DSCAML1: variants seen among roughly 807,000 people sequenced by gnomAD.
DSCAML1 encodes cell adhesion molecule DSCAML1.
DSCAML1 carries 38 observed loss-of-function variants against 200.5 expected under a neutral mutation model. The observed-to-expected ratio is 0.19, with a 90% confidence interval of 0.15 to 0.25. DSCAML1 has a LOEUF of 0.25. Among genes scored for constraint, DSCAML1 ranks in the 10% least tolerant of loss-of-function variants. The pLI, the probability that DSCAML1 is intolerant of heterozygous loss-of-function variation, is 1.00. For missense variants in DSCAML1, 2,223 were observed against 2,858.8 expected (o/e 0.78, Z 5.07); for synonymous variants, 1,215 against 1,165.0 (o/e 1.04, Z -0.87).
intron 3 of DSCAML1, among the ~76,000 whole-genome samples, chr11:117,577,445 C>G (rs112811694): frequency 0.11 from 8,126 of 74,600 alleles, 384 homozygotes; most frequent in Non-Finnish European, 0.16. Flanking sequence ...TCTTTCCTTC[C>G]TTCCTTCCTT....
chr11:117,725,658 A>C (rs1029826596), intron 3 of DSCAML1, among the ~76,000 whole-genome samples: 2 of 110,268 alleles, frequency 1.8e-5, no homozygotes, highest in Non-Finnish European at 3.8e-5. Context: ...CCTTACTGGC[A>C]GAGAGGTCTG....
In DSCAML1 at chr11:117,719,021, C is replaced by A. The variant is rs542024797; in HGVS notation, c.511+57770G>T. 3.3e-5 allele frequency among the ~76,000 whole-genome samples: 5 copies of A among 152,262 alleles called. No homozygotes were observed. The East Asian group carries it at 9.7e-4, about 29-fold the overall frequency. On this transcript the variant is annotated intron_variant, in intron 3 of 32. Transcript: ENST00000651296. The stretch of plus-strand genomic sequence containing the variant: ...AAAAGAGGCCATGGGCCTGATTTGG[C>A]CCATGGGCTATAGTTTGTCAGTTCT...
At chr11:117,704,644 G>A (rs1055652232) in intron 3 of DSCAML1, among the ~76,000 whole-genome samples, 2 of 152,282 alleles carry the variant, frequency 1.3e-5, no homozygotes, top group South Asian at 4.1e-4. Flanking sequence ...TCGGTGACTC[G>A]GCTGGTAGCC....
chr11:117,709,181 T>C (rs1342770467), intron 3 of DSCAML1, among the ~76,000 whole-genome samples: 2 of 152,214 alleles, frequency 1.3e-5, no homozygotes, highest in Non-Finnish European at 1.5e-5. Context: ...GGCCATTAGC[T>C]ATCATGAAAC....
upstream of DSCAML1, chr11:117,801,515 C>T (rs1174886372): frequency 2.6e-5 from 4 of 152,208 alleles, no homozygotes; most frequent in East Asian, 7.7e-4. Flanking sequence ...AATATATACA[C>T]ATACATCTAA....
chr11:117,657,989 C>T (rs534691962), intron 3 of DSCAML1, among the ~76,000 whole-genome samples: 2 of 152,150 alleles, frequency 1.3e-5, no homozygotes, highest in South Asian at 2.1e-4. Context: ...CATCACCTTA[C>T]GGCACTGGAG....
intron 3 of DSCAML1, among the ~76,000 whole-genome samples, chr11:117,561,087 G>A (rs893317075): frequency 2.0e-5 from 3 of 152,212 alleles, no homozygotes; most frequent in African/African-American, 4.8e-5. Flanking sequence ...CCAGGCTGTT[G>A]TGGACACAGA....
At chr11:117,450,012 G>A (rs903935068) in intron 20 of DSCAML1, among the ~76,000 whole-genome samples, 4 of 152,156 alleles carry the variant, frequency 2.6e-5, no homozygotes, top group Admixed American at 2.0e-4. Flanking sequence ...GGCAGATATC[G>A]CAGCCTCTCA....
At chr11:117,797,597 C>G (rs143800076), upstream of DSCAML1, among the ~76,000 whole-genome samples, 6 of 151,598 alleles carry the variant, frequency 4.0e-5, no homozygotes, top group East Asian at 3.9e-4. Context: ...CCGGCCCCCC[C>G]ACCCTCCCCA....
intron 3 of DSCAML1, among the ~76,000 whole-genome samples, chr11:117,534,303 G>A (rs528311517): frequency 3.3e-5 from 5 of 152,360 alleles, no homozygotes; most frequent in African/African-American, 1.2e-4. Flanking sequence ...CCGTAGAACT[G>A]CAGGGCTGAA....
intron 3 of DSCAML1, among the ~76,000 whole-genome samples, chr11:117,534,078 T>C (rs1211140953): frequency 1.3e-5 from 2 of 152,180 alleles, no homozygotes; most frequent in Non-Finnish European, 2.9e-5. Flanking sequence ...GAGGGAAACA[T>C]TTTGGGCAGT....
chr11:117,761,910 C>A (rs2054810809), intron 3 of DSCAML1, among the ~76,000 whole-genome samples: 1 of 152,134 alleles, frequency 6.6e-6, no homozygotes, highest in East Asian at 1.9e-4. Flanking sequence ...GATAACAGTT[C>A]CACCCACCTT....
chr11:117,512,322 C>T (rs768191348), intron 8 of DSCAML1, among the ~76,000 whole-genome samples: 10 of 152,162 alleles, frequency 6.6e-5, no homozygotes, highest in African/African-American at 2.4e-4. Flanking sequence ...GCCATGCCCA[C>T]GGGCACCTCC....
At chr11:117,521,477 G>A in intron 5 of DSCAML1, 72 bp from the exon 6 acceptor site, 2 of 1,512,350 alleles carry the variant, frequency 1.3e-6, no homozygotes, top group South Asian at 1.2e-5. Flanking sequence ...TACTGTGAGT[G>A]GAGTGTAGCT....
At chr11:117,522,972 G>T (rs1311048173) in intron 5 of DSCAML1, among the ~76,000 whole-genome samples, 1 of 152,192 alleles carries the variant, frequency 6.6e-6, no homozygotes, top group Non-Finnish European at 1.5e-5. Flanking sequence ...TGCATTCAGG[G>T]TCAGTGTGGG....
intron 3 of DSCAML1, among the ~76,000 whole-genome samples, chr11:117,582,548 C>A (rs2051059842): frequency 6.6e-6 from 1 of 152,144 alleles, no homozygotes; most frequent in African/African-American, 2.4e-5. Context: ...AATGCTTATG[C>A]CTAAGGATGC....
At chr11:117,618,133 T>A (rs1591327566) in intron 3 of DSCAML1, among the ~76,000 whole-genome samples, 1 of 152,236 alleles carries the variant, frequency 6.6e-6, no homozygotes, top group Non-Finnish European at 1.5e-5. Context: ...TTGAATGAAA[T>A]TTTTAAGCTA....
At position 117,551,545 on chromosome 11, in the gene DSCAML1, G is replaced by C. The variant is rs566100844; in HGVS notation, c.512-19023C>G. Among the ~76,000 whole-genome samples the C allele has an allele frequency of 2.0e-5, 3 of 152,308 alleles. No individual in the cohort carries two copies. The East Asian group carries it at 5.8e-4, about 29-fold the overall frequency. ...AGAGTCTTCTGAGGGACGCGTGTTG[G>C]GTGCAGGGTAGAAAGGGAAGGGAAG... On this transcript the variant is annotated intron_variant, in intron 3 of 32. Coordinates refer to ENST00000651296, the MANE Select transcript of DSCAML1 (RefSeq NM_020693.4).
intron 3 of DSCAML1, among the ~76,000 whole-genome samples, chr11:117,736,490 T>C (rs1230037915): frequency 6.6e-6 from 1 of 152,172 alleles, no homozygotes; most frequent in East Asian, 1.9e-4. Flanking sequence ...CCAACCCTGG[T>C]GCAAAATGAG....
Sources: allele counts gnomAD v4.1 joint callset (sites outside exome capture counted in the v4.1 genomes callset), GRCh38; gene constraint gnomAD v4.1.1; transcripts MANE v1.5; gene names NCBI Gene and HGNC (gene_info 2026-07-23, HGNC 2026-07-21).